Variants in GRK1 observed in about 807,000 individuals in gnomAD.
GRK1 encodes the protein rhodopsin kinase GRK1.
In GRK1, 28 loss-of-function variants were observed where a neutral mutation model predicts 41.7. The observed-to-expected ratio is 0.67, with a 90% CI of 0.50 to 0.92. GRK1 has a LOEUF of 0.92. Among genes scored for constraint, GRK1 ranks in the 40% least tolerant of loss-of-function variants. The probability of loss-of-function intolerance (pLI) is 0.00; values close to 1 mark genes in which losing one functional copy is unlikely to be tolerated. For synonymous variants in GRK1, 327 were observed against 286.7 expected (o/e 1.14, Z -1.42); for missense variants, 703 against 671.2 (o/e 1.05, Z -0.52).
At position 113,733,873 on chromosome 13, in the gene GRK1, GTGTGCATA is replaced by G. The variant is rs1352677967; in HGVS notation, c.1396+789_1396+796del. Among the ~76,000 whole-genome samples, 59 of 115,234 alleles carry G rather than the reference GTGTGCATA, an allele frequency of 5.1e-4. 3 individuals carry two copies. The highest frequency in any genetic ancestry group is 2.5e-3 in the African/African-American group (58 of 23,324). 75.6% of individuals were successfully genotyped at this position (115,234 alleles called of 152,430 possible). On this transcript the variant is annotated intron_variant, in intron 6 of 6. Coordinates refer to ENST00000335678, the MANE Select transcript of GRK1 (RefSeq NM_002929.3). ...TGTATGTGTGCATACGTGTGTGCGT[GTGTGCATA>G]CGTGTGTGCGTGTGTGTATGTGTGC...
At chr13:113,649,534 G>T in the GRK1 span, 2 of 1,516,520 alleles carry the variant, frequency 1.3e-6, no homozygotes, top group Non-Finnish European at 1.8e-6. This position sits in a 1 kb window ranked among gnomAD's most constrained non-coding sequence, Gnocchi z 4.7. Flanking sequence ...GCTGTAGTGG[G>T]GCTGAAGTGG....
intron 4 of GRK1, among the ~76,000 whole-genome samples, chr13:113,723,886 G>A (rs1388336856): frequency 1.3e-5 from 2 of 149,964 alleles, no homozygotes; most frequent in African/African-American, 2.5e-5. Flanking sequence ...GTGCACACAC[G>A]TGTCCGTGTA....
Position 113,671,581 on chromosome 13 carries a change from G to T in GRK1, c.910G>T (p.Gly304Cys). ...CTTCTACACGGCGCAGATCATCTGC[G>T]GCCTGGAGCACCTGCACCAGAGGCG... ...ALFYTAQIIC[G>C]LEHLHQRRIV... is the part of the protein sequence containing the mutation. Residue 304 changes from glycine to cysteine, a missense_variant, in exon 3 of 7, where the codon GGC (glycine) becomes TGC (cysteine). Transcript: ENST00000335678. The surrounding 1 kb of genome is among the most constrained non-coding windows in gnomAD (Gnocchi z 4.1). 1.3e-6 allele frequency: 1 copy of T among 776,256 alleles called. No homozygotes were observed. The allele number at this position is 776,256 out of a possible 1,614,324, so 48.1% of individuals were successfully genotyped here. A position where few individuals can be genotyped will look rare whatever the true frequency, so the allele number is the denominator to read the frequency against.
intron 4 of GRK1, among the ~76,000 whole-genome samples, chr13:113,725,086 G>T (rs1454361554): frequency 2.0e-5 from 3 of 152,394 alleles, no homozygotes; most frequent in Non-Finnish European, 4.4e-5. Flanking sequence ...GTGACCTGGA[G>T]ATGCTGCCGT....
chr13:113,735,138 C>G lies in GRK1; in HGVS notation c.1467C>G (p.Ala489=). 1 of 1,537,144 alleles carries G rather than the reference C, an allele frequency of 6.5e-7. No homozygotes were observed. Among genetic ancestry groups the G allele is most frequent in the Non-Finnish European group, 8.7e-7 (1 of 1,146,846 alleles). ...CAAAGGATATTCAGGACGTGGGTGC[C>G]TTTTCCACCGTCAAAGGTGTGGCCT... is the stretch of plus-strand genomic sequence containing the variant. The part of the protein sequence containing the change: ...VYAKDIQDVG[A]FSTVKGVAFD... Residue 489 remains alanine (A), a synonymous_variant, in exon 7 of 7, where the codon GCC becomes GCG. Coordinates refer to ENST00000335678, the MANE Select transcript of GRK1 (RefSeq NM_002929.3).
intron 6 of GRK1, among the ~76,000 whole-genome samples, chr13:113,733,740 T>C (rs1214531155): frequency 6.8e-6 from 1 of 147,648 alleles, no homozygotes; most frequent in African/African-American, 2.5e-5. Flanking sequence ...CGTGTGTATG[T>C]GTGCATACAT....
At chr13:113,659,155 T>C in the GRK1 span, among the ~76,000 whole-genome samples, 1 of 152,188 alleles carries the variant, frequency 6.6e-6, no homozygotes, top group Non-Finnish European at 1.5e-5. Flanking sequence ...CGTGGAGGGC[T>C]CCCAGGCAGT....
At position 113,733,776 on chromosome 13, in the gene GRK1, T is replaced by TGCGTGTGTGC. The variant is rs1566699918; in HGVS notation, c.1396+691_1396+692insGCGTGTGTGC. 2.7e-3 allele frequency among the ~76,000 whole-genome samples: 356 copies of TGCGTGTGTGC among 130,066 alleles called. 4 individuals carry two copies. The highest frequency in any genetic ancestry group is 0.012 in the African/African-American group (333 of 27,028). The allele number at this position is 130,066 out of a possible 152,430, so 85.3% of individuals were successfully genotyped here. ...GTGTGTGCGTGTGTATGTGTGTGCA[T>TGCGTGTGTGC]ACGTGTGTGCATGTGTGTATGTGTA... On this transcript the variant is annotated intron_variant, in intron 6 of 6. Coordinates refer to ENST00000335678, the MANE Select transcript of GRK1 (RefSeq NM_002929.3).
At position 113,668,070 on chromosome 13, in the gene GRK1, G is replaced by T; in HGVS notation, c.684G>T (p.Lys228Asn). The change falls in exon 1 of 7, where the codon AAG becomes AAT. Residue 228 changes from lysine to asparagine, a missense_variant. Transcript: ENST00000335678. ...CKKLNKKRLK[K>N]RKGYQGAMVE... ...AGCTGAACAAGAAGCGGCTGAAGAA[G>T]AGGAAGGGCTACCAGGTGAGCAGCG... 6.2e-7 allele frequency: 1 copy of T among 1,607,454 alleles called. No homozygotes were observed. Among genetic ancestry groups the T allele is most frequent in the South Asian group, 1.1e-5 (1 of 90,110 alleles).
At chr13:113,733,964 G>GTA (rs879495194) in intron 6 of GRK1, among the ~76,000 whole-genome samples, 8,034 of 139,086 alleles carry the variant, frequency 0.058, 367 homozygotes, top group Middle Eastern at 0.11. Flanking sequence ...GCATACGTGT[G>GTA]TGTGCGTGTG....
the GRK1 span, chr13:113,650,438 G>A: frequency 5.0e-6 from 8 of 1,613,930 alleles, no homozygotes; most frequent in African/African-American, 1.3e-5. The surrounding 1 kb of genome is among the most constrained non-coding windows in gnomAD (Gnocchi z 5.0). Context: ...GGGAAGTAGT[G>A]CAGACTGAAG....
the GRK1 span, among the ~76,000 whole-genome samples, chr13:113,648,608 A>T: frequency 1.3e-5 from 2 of 152,148 alleles, no homozygotes; most frequent in African/African-American, 4.8e-5. Flanking sequence ...CTTAACATTT[A>T]TATTTGGAGG....
At position 113,731,002 on chromosome 13, in the gene GRK1, G is replaced by T. The variant is rs2049932757; in HGVS notation, c.1070-217G>T. Among the ~76,000 whole-genome samples the T allele has an allele frequency of 6.6e-6, 1 of 152,192 alleles. No individual in the cohort carries two copies. Among genetic ancestry groups the T allele is most frequent in the South Asian group, 2.1e-4 (1 of 4,830 alleles). ...TCATTTTTGGTTGTCACAGCCTGGG[G>T]GTGCTGCTGTCACCCCACAGGCAGA... On this transcript the variant is annotated intron_variant, in intron 4 of 6. Coordinates refer to ENST00000335678, the MANE Select transcript of GRK1 (RefSeq NM_002929.3). The surrounding 1 kb of genome is among the most constrained non-coding windows in gnomAD (Gnocchi z 5.6).
chr13:113,650,402 C>G, the GRK1 span: 1 of 1,613,662 alleles, frequency 6.2e-7, no homozygotes, highest in African/African-American at 1.3e-5. This position sits in a 1 kb window ranked among gnomAD's most constrained non-coding sequence, Gnocchi z 5.0. Flanking sequence ...AGGAAGGAAC[C>G]TACCTGGGCT....
chr13:113,731,093 C>G lies in GRK1; in HGVS notation c.1070-126C>G. Reference sequence around the variant, plus strand: ...CCCCTCCACAAAGGATTTTCTGGCCCCAAATGTGGAGAGTGCTGAGGCCCC... The same window carrying G: ...CCCCTCCACAAAGGATTTTCTGGCCGCAAATGTGGAGAGTGCTGAGGCCCC... On this transcript the variant is annotated intron_variant, in intron 4 of 6. Coordinates refer to ENST00000335678, the MANE Select transcript of GRK1 (RefSeq NM_002929.3). The surrounding 1 kb of genome is among the most constrained non-coding windows in gnomAD (Gnocchi z 5.6). 1.5e-6 allele frequency: 2 copies of G among 1,363,564 alleles called. No homozygotes were observed. The highest frequency in any genetic ancestry group is 1.9e-6 in the Non-Finnish European group (2 of 1,026,378). 84.5% of individuals were successfully genotyped at this position (1,363,564 alleles called of 1,614,324 possible). A position where few individuals can be genotyped will look rare whatever the true frequency, so the allele number is the denominator to read the frequency against.
At chr13:113,649,330 T>C in the GRK1 span, 2 of 1,557,588 alleles carry the variant, frequency 1.3e-6, no homozygotes, top group South Asian at 1.2e-5. The surrounding 1 kb of genome is among the most constrained non-coding windows in gnomAD (Gnocchi z 4.7). Flanking sequence ...AGGGTGTCCT[T>C]GAGCGACCCC....
At chr13:113,666,626 C>G (rs1480608754), upstream of GRK1, among the ~76,000 whole-genome samples, 1 of 152,106 alleles carries the variant, frequency 6.6e-6, no homozygotes, top group Non-Finnish European at 1.5e-5. Flanking sequence ...TCTTCTGCTC[C>G]CTGGTCCTGG....
At chr13:113,662,970 G>A (rs1199826096), upstream of GRK1, among the ~76,000 whole-genome samples, 2 of 152,054 alleles carry the variant, frequency 1.3e-5, no homozygotes, top group African/African-American at 4.8e-5. Context: ...AAAAGCAAAG[G>A]AACTAGAATA....
the GRK1 span, chr13:113,653,437 G>A: frequency 6.2e-7 from 1 of 1,612,000 alleles, no homozygotes. Flanking sequence ...GGTTACCCCT[G>A]GAGAGAGAGA....
Sources: allele counts gnomAD v4.1 joint callset (sites outside exome capture counted in the v4.1 genomes callset), GRCh38; gene constraint gnomAD v4.1.1; non-coding constraint Gnocchi (gnomAD v3.1); transcripts MANE v1.5; gene names NCBI Gene and HGNC (gene_info 2026-07-23, HGNC 2026-07-21).